Variants in ELL2 observed in about 807,000 individuals in gnomAD.
The protein encoded by ELL2 is elongation factor for RNA polymerase II 2.
Under a neutral mutation model 72.8 loss-of-function variants are expected in ELL2, and 21 were observed. That is an observed-to-expected ratio of 0.29 (90% confidence interval 0.20 to 0.42). ELL2 has a LOEUF of 0.42. ELL2 is among the 10% of genes least tolerant of loss of function. The pLI is 1.00. For synonymous variants in ELL2, 266 were observed against 283.2 expected (o/e 0.94, Z 0.61); for missense variants, 568 against 772.8 (o/e 0.73, Z 3.14).
rs1427308129 is a variant in ELL2 at position 95,919,411 on chromosome 5, GAAAA to G, written c.317+9_317+12del. On this transcript the variant is annotated intron_variant, in intron 3 of 11. Transcript: ENST00000237853. ...AAATTTTTCCCCTTCAGTGTACCTT[GAAAA>G]GTACTTACCTGGAGAATGTTTGCTG... 14 of 1,575,848 alleles carry G rather than the reference GAAAA, an allele frequency of 8.9e-6. No individual in the cohort carries two copies. Among genetic ancestry groups the G allele is most frequent in the Non-Finnish European group, 1.2e-5 (14 of 1,168,812 alleles).
chr5:95,891,181 C>G lies in ELL2; in HGVS notation c.1683G>C (p.Arg561Ser). The change falls in exon 10 of 12, where the codon AGG becomes AGC. Residue 561 changes from arginine to serine, a missense_variant. Arg to Ser is a moderately radical substitution (Grantham distance 110). Coordinates refer to ENST00000237853, the MANE Select transcript of ELL2 (RefSeq NM_012081.6). ...TAAATCTTCTAGCTACAGTCTCCAT[C>G]CTGGCATGCAAAGCTCTGTACTCAT... ...EYDEYRALHARMETVARRFIK... is the reference protein window; with the variant it reads ...EYDEYRALHASMETVARRFIK... 3 of 1,614,174 alleles carry G rather than the reference C, an allele frequency of 1.9e-6. No homozygotes were observed. Among genetic ancestry groups the G allele is most frequent in the Non-Finnish European group, 2.5e-6 (3 of 1,180,038 alleles).
intron 9 of ELL2, among the ~76,000 whole-genome samples, chr5:95,893,680 C>A (rs375137785): frequency 6.6e-5 from 10 of 152,160 alleles, no homozygotes; most frequent in Non-Finnish European, 1.5e-4. Context: ...CCACCGCGCC[C>A]GGCCTCGATC....
At chr5:95,954,797 T>C (rs1751571390) in intron 1 of ELL2, among the ~76,000 whole-genome samples, 1 of 151,952 alleles carries the variant, frequency 6.6e-6, no homozygotes, top group Non-Finnish European at 1.5e-5. Context: ...ACCAACACCC[T>C]AGGGTGGACT....
chr5:95,892,494 C>T (rs1189171522), intron 9 of ELL2, among the ~76,000 whole-genome samples: 1 of 152,074 alleles, frequency 6.6e-6, no homozygotes, highest in Non-Finnish European at 1.5e-5. Flanking sequence ...GAACTGGGAT[C>T]ACATAAGGAA....
At chr5:95,933,323 A>G (rs989649096) in intron 2 of ELL2, among the ~76,000 whole-genome samples, 1 of 152,226 alleles carries the variant, frequency 6.6e-6, no homozygotes, top group African/African-American at 2.4e-5. Flanking sequence ...AGATAGCAAT[A>G]ATAATTTATG....
intron 3 of ELL2, among the ~76,000 whole-genome samples, chr5:95,914,288 G>A (rs1749706707): frequency 6.6e-6 from 1 of 152,068 alleles, no homozygotes; most frequent in South Asian, 2.1e-4. Context: ...TATGAGGAAA[G>A]TTAAAAAGTT....
At chr5:95,895,412 G>A (rs577220804) in intron 9 of ELL2, among the ~76,000 whole-genome samples, 1 of 152,278 alleles carries the variant, frequency 6.6e-6, no homozygotes, top group African/African-American at 2.4e-5. Context: ...AAAGGCCAAC[G>A]AATACAGCTC....
chr5:95,953,959 A>C (rs1040842489), intron 1 of ELL2, among the ~76,000 whole-genome samples: 1 of 152,210 alleles, frequency 6.6e-6, no homozygotes, highest in Non-Finnish European at 1.5e-5. Flanking sequence ...CTTAAGTACA[A>C]TTTATAGACG....
chr5:95,913,966 T>C (rs368469477), intron 3 of ELL2, 32 bp from the exon 4 acceptor site: 4 of 1,550,180 alleles, frequency 2.6e-6, no homozygotes, highest in Non-Finnish European at 3.5e-6. Flanking sequence ...TTGTTAGACA[T>C]GACCTTCATT....
chr5:95,929,827 C>T (rs6143071), intron 2 of ELL2, among the ~76,000 whole-genome samples: 6,170 of 151,440 alleles, frequency 0.041, 219 homozygotes, highest in African/African-American at 0.083. Flanking sequence ...CACACAGCTG[C>T]CTGCTGTGTG....
In ELL2 at chr5:95,901,257, T is replaced by G. The variant is rs1749127158; in HGVS notation, c.742-177A>C. On this transcript the variant is annotated intron_variant, in intron 5 of 11. Transcript: ENST00000237853. ...ATGCCATTAACTTCATTTTGGGAAT[T>G]AAAGCTTTATATACACAGCTAAATG... 3 of 539,352 alleles carry G rather than the reference T, an allele frequency of 5.6e-6. No homozygotes were observed. In the South Asian group the frequency reaches 1.3e-4, roughly 23 times the overall value. 33.4% of individuals were successfully genotyped at this position (539,352 alleles called of 1,614,324 possible).
At chr5:95,956,720 T>C (rs2112363098) in intron 1 of ELL2, among the ~76,000 whole-genome samples, 1 of 152,292 alleles carries the variant, frequency 6.6e-6, no homozygotes, top group Non-Finnish European at 1.5e-5. Flanking sequence ...GGCAAGGAAG[T>C]CACTTACCCT....
intron 4 of ELL2, among the ~76,000 whole-genome samples, chr5:95,912,851 A>G (rs1749656235): frequency 6.6e-6 from 1 of 152,230 alleles, no homozygotes; most frequent in Non-Finnish European, 1.5e-5. Flanking sequence ...AAAATACAGA[A>G]GTAGAATGAA....
intron 4 of ELL2, among the ~76,000 whole-genome samples, chr5:95,912,284 T>G (rs1404695055): frequency 6.6e-6 from 1 of 152,190 alleles, no homozygotes; most frequent in Non-Finnish European, 1.5e-5. Context: ...TTTTCAAGCT[T>G]TGGAATAAAT....
Position 95,961,671 on chromosome 5 carries a change from C to G in ELL2, c.51G>C (p.Leu17=), listed in dbSNP as rs761760522. ...TGTCCTGCCCCAGCCGTCCGCACGA[C>G]AGCCCATAGCGCTGCTCCTCCCGCA... is the stretch of plus-strand genomic sequence containing the variant. The part of the protein sequence containing the change: ...GGLREEQRYG[L]SCGRLGQDNI... Residue 17 remains leucine (L), a synonymous_variant, in exon 1 of 12, where the codon CTG becomes CTC. Transcript: ENST00000237853. 5 of 1,608,908 alleles carry G rather than the reference C, an allele frequency of 3.1e-6. No homozygotes were observed. Among genetic ancestry groups the G allele is most frequent in the Middle Eastern group, 1.7e-4 (1 of 5,948 alleles).
In ELL2 at chr5:95,927,734, TAC is replaced by T. The variant is rs67688131; in HGVS notation, c.196-8191_196-8190del. On this transcript the variant is annotated intron_variant, in intron 2 of 11. Transcript: ENST00000237853. ...ACACACATATGTGTGTATATAGACA[TAC>T]ACACACACATATGTGTGTATATAGA... Among the ~76,000 whole-genome samples, 333 of 60,096 alleles carry T rather than the reference TAC, an allele frequency of 5.5e-3. 50 individuals carry two copies. The highest frequency in any genetic ancestry group is 0.01 in the African/African-American group (90 of 8,870). 39.4% of individuals were successfully genotyped at this position (60,096 alleles called of 152,430 possible). A position where few individuals can be genotyped will look rare whatever the true frequency, so the allele number is the denominator to read the frequency against.
intron 1 of ELL2, among the ~76,000 whole-genome samples, chr5:95,945,290 C>T (rs977396084): frequency 6.6e-6 from 1 of 152,168 alleles, no homozygotes; most frequent in East Asian, 1.9e-4. Flanking sequence ...AGGCTCGCCA[C>T]CTTAAAATTA....
At chr5:95,944,633 T>C (rs1751087439) in intron 1 of ELL2, among the ~76,000 whole-genome samples, 1 of 152,238 alleles carries the variant, frequency 6.6e-6, no homozygotes, top group Non-Finnish European at 1.5e-5. Context: ...AGCATGCCCA[T>C]AGGGGCCTAG....
intron 9 of ELL2, among the ~76,000 whole-genome samples, chr5:95,891,572 C>T (rs928761517): frequency 2.6e-5 from 4 of 152,194 alleles, no homozygotes; most frequent in Non-Finnish European, 5.9e-5. Context: ...GTTTCCTGAA[C>T]CTTTCTCTAT....
Sources: allele counts gnomAD v4.1 joint callset (sites outside exome capture counted in the v4.1 genomes callset), GRCh38; gene constraint gnomAD v4.1.1; transcripts MANE v1.5; gene names NCBI Gene and HGNC (gene_info 2026-07-23, HGNC 2026-07-21).